Variants in PTPRB observed in about 807,000 individuals in gnomAD.
PTPRB encodes the protein protein tyrosine phosphatase receptor type B.
Under a neutral mutation model 238.1 loss-of-function variants are expected in PTPRB, and 97 were observed. The observed-to-expected ratio is 0.41, with a 90% CI of 0.35 to 0.48. PTPRB has a LOEUF of 0.48. PTPRB is among the 20% of genes least tolerant of loss of function. PTPRB has a pLI of 0.30. For missense variants in PTPRB, 2,292 were observed against 2,681.9 expected (o/e 0.85, Z 3.21); for synonymous variants, 970 against 995.4 (o/e 0.97, Z 0.48).
At chr12:70,540,817 A>T in intron 23 of PTPRB, 41 bp downstream of exon 23, 1 of 1,435,756 alleles carries the variant, frequency 7.0e-7, no homozygotes, top group Non-Finnish European at 9.5e-7. Flanking sequence ...TTGCATTTTT[A>T]AAGTTGTGGG....
chr12:70,576,726 T>C (rs1233924051), intron 10 of PTPRB, 81 bp from the exon 11 acceptor site: 6 of 741,354 alleles, frequency 8.1e-6, no homozygotes, highest in African/African-American at 1.8e-5. Context: ...GTTTGAGTCG[T>C]CTATTGCAGT....
chr12:70,554,194 A>G (rs542674745), intron 20 of PTPRB, among the ~76,000 whole-genome samples: 1 of 152,358 alleles, frequency 6.6e-6, no homozygotes, highest in African/African-American at 2.4e-5. Flanking sequence ...ATAGACTGTT[A>G]GATACTGTGA....
At chr12:70,525,159 C>T (rs1028544228) in intron 32 of PTPRB, among the ~76,000 whole-genome samples, 9 of 152,062 alleles carry the variant, frequency 5.9e-5, no homozygotes, top group African/African-American at 2.2e-4. Flanking sequence ...ATTATCAGTA[C>T]AAAGTGAGAC....
chr12:70,615,459 T>A (rs1285400477), intron 3 of PTPRB, among the ~76,000 whole-genome samples: 1 of 152,210 alleles, frequency 6.6e-6, no homozygotes, highest in African/African-American at 2.4e-5. Flanking sequence ...GTATTCTTTT[T>A]TCCCACACCC....
At position 70,596,060 on chromosome 12, in the gene PTPRB, T is replaced by G; in HGVS notation, c.1247A>C (p.Asn416Thr). 6.2e-7 allele frequency: 1 copy of G among 1,602,890 alleles called. No homozygotes were observed. Among genetic ancestry groups the G allele is most frequent in the Non-Finnish European group, 8.5e-7 (1 of 1,172,680 alleles). Reference protein sequence around the residue: ...GGKRSFSVYTNGSTVPSPVKD... With the variant: ...GGKRSFSVYTTGSTVPSPVKD... ...TAAACAGGTCTTACCTGTTGATCCATTGGTATAAACTGAAAAAGAACGTTT... is the reference window on the plus strand; with the variant it reads ...TAAACAGGTCTTACCTGTTGATCCAGTGGTATAAACTGAAAAAGAACGTTT... Residue 416 changes from asparagine (N) to threonine (T), a missense_variant, in exon 5 of 34, where the codon AAT becomes ACT. Asn to Thr is a moderately conservative substitution (Grantham distance 65). Transcript: ENST00000334414.
chr12:70,538,314 C>G, intron 27 of PTPRB, 83 bp from the exon 28 acceptor site: 2 of 1,150,746 alleles, frequency 1.7e-6, no homozygotes, highest in Admixed American at 2.1e-5. Flanking sequence ...TAGCTCTGAT[C>G]CCCACAACAG....
In PTPRB at chr12:70,608,429, A is replaced by C. The variant is rs138542894; in HGVS notation, c.979+640T>G. On this transcript the variant is annotated intron_variant, in intron 4 of 33. Coordinates refer to ENST00000334414, the MANE Select transcript of PTPRB (RefSeq NM_001109754.4). ...TTACAGATAAGAAAACTGAGGCAAGAAAGGCAAACTCTGAACATATCCACA... is the reference window on the plus strand; with the variant it reads ...TTACAGATAAGAAAACTGAGGCAAGCAAGGCAAACTCTGAACATATCCACA... Among the ~76,000 whole-genome samples, 1,166 of 152,352 alleles carry C rather than the reference A, an allele frequency of 7.7e-3. 8 individuals carry two copies. The highest frequency in any genetic ancestry group is 0.026 in the African/African-American group (1,090 of 41,584).
In PTPRB at chr12:70,571,220, C is replaced by A; in HGVS notation, c.3176G>T (p.Gly1059Val). The A allele has an allele frequency of 6.2e-7, 1 of 1,613,466 alleles. No individual in the cohort carries two copies. The highest frequency in any genetic ancestry group is 8.5e-7 in the Non-Finnish European group (1 of 1,179,438). ...ATATTGGTCGACATCCCCATTAGCT[C>A]CTGACCAAGTCACATGCAAGTCCTC... is the stretch of plus-strand genomic sequence containing the variant. Reference protein sequence around the residue: ...STEDLHVTWSGANGDVDQYEI... With the variant: ...STEDLHVTWSVANGDVDQYEI... Residue 1059 changes from glycine (G) to valine (V), a missense_variant, in exon 13 of 34, where the codon GGA (glycine) becomes GTA (valine). Gly to Val is a moderately radical substitution (Grantham distance 109, BLOSUM62 -3). Coordinates refer to ENST00000334414, the MANE Select transcript of PTPRB (RefSeq NM_001109754.4).
intron 3 of PTPRB, among the ~76,000 whole-genome samples, chr12:70,610,141 A>G (rs573281590): frequency 4.3e-4 from 65 of 152,290 alleles, no homozygotes; most frequent in African/African-American, 1.5e-3. Context: ...TCTCCCGGCA[A>G]AGGAACAATG....
chr12:70,523,701 C>G lies in PTPRB; in HGVS notation c.6625+770G>C, dbSNP rs192371292. On this transcript the variant is annotated intron_variant, in intron 33 of 33. Transcript: ENST00000334414. ...CCTCCCTCTCTTCCCCGTTGCCACT[C>G]TTTATGGGTAGGAGAAGAAATGGGT... Among the ~76,000 whole-genome samples the G allele has an allele frequency of 5.9e-5, 9 of 152,236 alleles. No homozygotes were observed. In the East Asian group the frequency reaches 1.4e-3, roughly 23 times the overall value.
At chr12:70,616,017 T>C (rs1477684780) in intron 3 of PTPRB, among the ~76,000 whole-genome samples, 1 of 152,042 alleles carries the variant, frequency 6.6e-6, no homozygotes, top group East Asian at 1.9e-4. Context: ...CTCAATAATA[T>C]CCTTTTTTTT....
Position 70,592,337 on chromosome 12 carries a change from A to G in PTPRB, c.1725T>C (p.Thr575=). 2 of 1,614,056 alleles carry G rather than the reference A, an allele frequency of 1.2e-6. No individual in the cohort carries two copies. Among genetic ancestry groups the G allele is most frequent in the African/African-American group, 1.3e-5 (1 of 75,064 alleles). The change falls in exon 7 of 34, where the codon ACT becomes ACC. Residue 575 remains threonine (T), a synonymous_variant. Coordinates refer to ENST00000334414, the MANE Select transcript of PTPRB (RefSeq NM_001109754.4). Reference sequence around the variant, plus strand: ...ACAGTTCACCAGAGACACAGCTGACAGTAACTTGATAAAGTCGACCGGGGA... The same window carrying G: ...ACAGTTCACCAGAGACACAGCTGACGGTAACTTGATAAAGTCGACCGGGGA... ...ELVPGRLYQV[T]VSCVSGELSA...
chr12:70,536,175 A>G lies in PTPRB; in HGVS notation c.5947-16T>C, dbSNP rs1266208354. ...AGTTGTTGCCCTGCAATGAATTTAC[A>G]ATATGGAGAGTCAGAAACAATGGGC... On this transcript the variant is annotated splice_polypyrimidine_tract_variant and intron_variant, in intron 28 of 33. Coordinates refer to ENST00000334414, the MANE Select transcript of PTPRB (RefSeq NM_001109754.4). 1 of 1,609,632 alleles carries G rather than the reference A, an allele frequency of 6.2e-7. No homozygotes were observed. The highest frequency in any genetic ancestry group is 1.1e-5 in the South Asian group (1 of 90,194).
intron 8 of PTPRB, among the ~76,000 whole-genome samples, chr12:70,588,095 C>CAAAAAAAA (rs10558140): frequency 1.9e-5 from 2 of 104,662 alleles, no homozygotes; most frequent in African/African-American, 3.9e-5. Flanking sequence ...GACTCTGTCT[C>CAAAAAAAA]AAAAAAAAAA....
chr12:70,592,475 T>C lies in PTPRB; in HGVS notation c.1587A>G (p.Gln529=), dbSNP rs1882587368. 6.2e-7 allele frequency: 1 copy of C among 1,613,910 alleles called. No individual in the cohort carries two copies. The highest frequency in any genetic ancestry group is 8.5e-7 in the Non-Finnish European group (1 of 1,179,822). The change falls in exon 7 of 34, where the codon CAA becomes CAG. Residue 529 remains glutamine (Q), a synonymous_variant. Coordinates refer to ENST00000334414, the MANE Select transcript of PTPRB (RefSeq NM_001109754.4). ...AAGAATCCACATTTCCAGGAGGTCT[T>C]TGCCATTTGACTTTTAGAGAGGTCA... is the stretch of plus-strand genomic sequence containing the variant. ...GSLTSLKVKW[Q]RPPGNVDSYN...
chr12:70,539,811 G>A lies in PTPRB; in HGVS notation c.5696+16C>T, dbSNP rs1159650240. ...AAAGGCAGATAATATAGTAATTAAT[G>A]TGTTCTCTCTCTTACCAAGAAGTTT... On this transcript the variant is annotated intron_variant, in intron 25 of 33. Transcript: ENST00000334414. 2 of 1,597,706 alleles carry A rather than the reference G, an allele frequency of 1.3e-6. No individual in the cohort carries two copies. The highest frequency in any genetic ancestry group is 1.7e-6 in the Non-Finnish European group (2 of 1,165,160).
In PTPRB at chr12:70,539,609, T is replaced by G. The variant is rs200575440; in HGVS notation, c.5778+16A>C. On this transcript the variant is annotated intron_variant, in intron 26 of 33. Coordinates refer to ENST00000334414, the MANE Select transcript of PTPRB (RefSeq NM_001109754.4). ...AGAACTAGGGATGCTGAAGCTTCATTCTGCCTGAGTTGTACCTCGTATTCC... is the reference window on the plus strand; with the variant it reads ...AGAACTAGGGATGCTGAAGCTTCATGCTGCCTGAGTTGTACCTCGTATTCC... 53 of 1,502,932 alleles carry G rather than the reference T, an allele frequency of 3.5e-5. No individual in the cohort carries two copies. The highest frequency in any genetic ancestry group is 4.6e-5 in the Non-Finnish European group (51 of 1,098,642). The allele number at this position is 1,502,932 out of a possible 1,614,324, so 93.1% of individuals were successfully genotyped here. A position where few individuals can be genotyped will look rare whatever the true frequency, so the allele number is the denominator to read the frequency against.
At position 70,587,271 on chromosome 12, in the gene PTPRB, A is replaced by G. The variant is rs772273025; in HGVS notation, c.2051-4T>C. 1.2e-6 allele frequency: 2 copies of G among 1,613,524 alleles called. No homozygotes were observed. The highest frequency in any genetic ancestry group is 2.2e-5 in the South Asian group (2 of 91,016). On this transcript the variant is annotated splice_region_variant and splice_polypyrimidine_tract_variant and intron_variant, in intron 8 of 33. Coordinates refer to ENST00000334414, the MANE Select transcript of PTPRB (RefSeq NM_001109754.4). ...AGCTGGAGGACAGCCAGGGGGACTG[A>G]GGAAAAAGCAATGGAGATGGGTCAT...
chr12:70,569,641 C>T, intron 14 of PTPRB, 34 bp downstream of exon 14: 2 of 1,610,640 alleles, frequency 1.2e-6, no homozygotes, highest in Non-Finnish European at 1.7e-6. Context: ...ATGAGGCATT[C>T]TACAATCTAG....
Sources: gnomAD v4.1 joint callset for allele counts (sites outside exome capture counted in the v4.1 genomes callset) on GRCh38, gnomAD v4.1.1 for gene constraint, MANE v1.5 for transcripts, NCBI Gene and HGNC (gene_info 2026-07-23, HGNC 2026-07-21) for gene names.